The following FAM193A variants were observed in gnomAD, a reference collection of about 807,000 sequenced individuals.
The protein encoded by FAM193A is family with sequence similarity 193 member A.
Under a neutral mutation model 126.5 loss-of-function variants are expected in FAM193A, and 22 were observed. That is an observed-to-expected ratio of 0.17 (90% confidence interval 0.12 to 0.25). The LOEUF (loss-of-function observed/expected upper bound fraction) is 0.25. Ranked by LOEUF, FAM193A falls within the 10% of genes least tolerant of loss-of-function variation. FAM193A has a pLI of 1.00. For synonymous variants in FAM193A, 761 were observed against 646.8 expected (o/e 1.18, Z -2.68); for missense variants, 1,675 against 1,672.8 (o/e 1.00, Z -0.02).
At chr4:2,567,923 G>A (rs777692626) in intron 1 of FAM193A, among the ~76,000 whole-genome samples, 4 of 152,200 alleles carry the variant, frequency 2.6e-5, no homozygotes, top group East Asian at 1.9e-4. Context: ...CTCTGCAGGG[G>A]TGTGGCTGTT....
intron 19 of FAM193A, among the ~76,000 whole-genome samples, chr4:2,708,523 C>G (rs1434502794): frequency 6.6e-6 from 1 of 151,106 alleles, no homozygotes; most frequent in African/African-American, 2.4e-5. Context: ...AGTGCAGTGG[C>G]GCGATCTTGG....
intron 19 of FAM193A, among the ~76,000 whole-genome samples, chr4:2,708,516 G>T (rs1054189882): frequency 4.0e-5 from 6 of 151,610 alleles, no homozygotes; most frequent in Non-Finnish European, 7.4e-5. Flanking sequence ...AGGCTGGAGT[G>T]CAGTGGCGCG....
intron 20 of FAM193A, among the ~76,000 whole-genome samples, chr4:2,727,464 T>G (rs1380143099): frequency 2.0e-5 from 3 of 152,202 alleles, no homozygotes; most frequent in Non-Finnish European, 2.9e-5. Flanking sequence ...GCATTCCCGC[T>G]GAGACTGGAT....
intron 19 of FAM193A, among the ~76,000 whole-genome samples, chr4:2,711,360 G>C (rs969355487): frequency 1.3e-5 from 2 of 151,586 alleles, no homozygotes; most frequent in Admixed American, 1.3e-4. Context: ...TTGTTTTTGA[G>C]ATGGAGTCTC....
intron 19 of FAM193A, among the ~76,000 whole-genome samples, chr4:2,713,990 T>C (rs1719273109): frequency 2.0e-5 from 3 of 152,204 alleles, no homozygotes; most frequent in Non-Finnish European, 4.4e-5. Flanking sequence ...TACACCAAGA[T>C]TTTATAGACT....
At chr4:2,721,190 G>A (rs1720102213) in intron 20 of FAM193A, among the ~76,000 whole-genome samples, 2 of 151,970 alleles carry the variant, frequency 1.3e-5, no homozygotes. Context: ...GCGGGCACCT[G>A]TAGTCCCAGC....
intron 5 of FAM193A, among the ~76,000 whole-genome samples, chr4:2,637,462 C>T (rs936164374): frequency 6.6e-6 from 1 of 152,186 alleles, no homozygotes; most frequent in Non-Finnish European, 1.5e-5. Context: ...TCTAAATTTT[C>T]ATCGACAAAG....
chr4:2,726,120 C>G (rs1201747204), intron 20 of FAM193A, among the ~76,000 whole-genome samples: 1 of 151,986 alleles, frequency 6.6e-6, no homozygotes, highest in Admixed American at 6.6e-5. Context: ...AGGATGGTCT[C>G]GATCTCCCGA....
At position 2,558,578 on chromosome 4, in the gene FAM193A, T is replaced by C. The variant is rs185352084; in HGVS notation, c.255+21408T>C. Among the ~76,000 whole-genome samples the C allele has an allele frequency of 2.4e-3, 358 of 152,264 alleles. 6 individuals are homozygous for C. The South Asian group carries it at 0.04, about 17-fold the overall frequency. On this transcript the variant is annotated intron_variant, in intron 1 of 20. Coordinates refer to ENST00000637812, the MANE Select transcript of FAM193A (RefSeq NM_001366318.2). ...AATTTTTCTGGGGGGGATGAGATCT[T>C]GTATGTTGCCTAGACTGGTCTCAAA...
chr4:2,621,099 G>T (rs1232184852), intron 2 of FAM193A, among the ~76,000 whole-genome samples: 1 of 152,096 alleles, frequency 6.6e-6, no homozygotes. Flanking sequence ...GTGCCTCTCA[G>T]TCCCCCACAC....
chr4:2,631,738 A>G (rs144796778), intron 5 of FAM193A, among the ~76,000 whole-genome samples: 149 of 152,294 alleles, frequency 9.8e-4, no homozygotes, highest in African/African-American at 3.4e-3. Context: ...CAGTCCTAAC[A>G]AAAGAGACAC....
chr4:2,630,724 C>T (rs547445767), intron 4 of FAM193A, among the ~76,000 whole-genome samples: 3 of 152,366 alleles, frequency 2.0e-5, no homozygotes, highest in African/African-American at 7.2e-5. Flanking sequence ...CAATAAATGT[C>T]ACTTGCTGTT....
At chr4:2,599,449 C>T (rs1741065749) in intron 2 of FAM193A, among the ~76,000 whole-genome samples, 1 of 152,164 alleles carries the variant, frequency 6.6e-6, no homozygotes, top group Admixed American at 6.5e-5. Context: ...GCACGGCTCT[C>T]CTGCAGCTTT....
chr4:2,728,895 ACTTTTTTT>A (rs1322612223), intron 20 of FAM193A, among the ~76,000 whole-genome samples: 2 of 105,710 alleles, frequency 1.9e-5, no homozygotes, highest in East Asian at 2.4e-4. Context: ...CACCTCCAAA[ACTTTTTTT>A]TTTTTTTTTT....
At chr4:2,626,281 AGCCT>A in intron 3 of FAM193A, 125 bp from the exon 4 acceptor site, 2 of 624,400 alleles carry the variant, frequency 3.2e-6, no homozygotes. Context: ...CACTGACAGC[AGCCT>A]GATTGCCGGC....
In FAM193A at chr4:2,631,118, C is replaced by T. The variant is rs1179064902; in HGVS notation, c.987C>T (p.Tyr329=). The T allele has an allele frequency of 9.9e-6, 16 of 1,613,574 alleles. No individual in the cohort carries two copies. The highest frequency in any genetic ancestry group is 3.3e-5 in the South Asian group (3 of 90,942). The change falls in exon 5 of 21, where the codon TAC becomes TAT. Residue 329 remains tyrosine (Y), a synonymous_variant. Transcript: ENST00000637812. The stretch of plus-strand genomic sequence containing the variant: ...TCATCTCCCTCCTGCTTGAGGAGTA[C>T]GGCGCCCTCTGCCAGGCCGCACGCT... ...HQFISLLLEE[Y]GALCQAARSI...
At chr4:2,559,290 A>T (rs1267850241) in intron 1 of FAM193A, among the ~76,000 whole-genome samples, 1 of 152,210 alleles carries the variant, frequency 6.6e-6, no homozygotes, top group Non-Finnish European at 1.5e-5. Flanking sequence ...TTAGCTGAGG[A>T]AACTGAGGCC....
At chr4:2,654,203 G>A (rs1745943515) in intron 7 of FAM193A, among the ~76,000 whole-genome samples, 1 of 152,044 alleles carries the variant, frequency 6.6e-6, no homozygotes. Context: ...ATGTATGTAT[G>A]TGGCAAGAGA....
At chr4:2,641,680 CAAAA>C (rs1015766298) in intron 6 of FAM193A, among the ~76,000 whole-genome samples, 15 of 152,070 alleles carry the variant, frequency 9.9e-5, no homozygotes, top group Admixed American at 9.8e-4. Flanking sequence ...AACAAACAAA[CAAAA>C]AGAATACGTG....
Sources: gnomAD v4.1 joint callset for allele counts (sites outside exome capture counted in the v4.1 genomes callset) on GRCh38, gnomAD v4.1.1 for gene constraint, MANE v1.5 for transcripts, NCBI Gene and HGNC (gene_info 2026-07-23, HGNC 2026-07-21) for gene names.